The following MYH11 variants were observed in gnomAD, a reference collection of about 807,000 sequenced individuals.
MYH11 encodes myosin-11.
MYH11 carries 80 observed loss-of-function variants against 246.6 expected under a neutral mutation model. That is an observed-to-expected ratio of 0.32 (90% CI 0.27 to 0.39). MYH11 has a LOEUF of 0.39. Among genes scored for constraint, MYH11 ranks in the 10% least tolerant of loss-of-function variants. The pLI is 1.00. For missense variants in MYH11, 2,158 were observed against 2,546.8 expected (o/e 0.85, Z 3.29); for synonymous variants, 1,071 against 1,015.5 (o/e 1.05, Z -1.04).
intron 9 of MYH11, among the ~76,000 whole-genome samples, chr16:15,765,213 TG>T (rs1391888342): frequency 6.9e-6 from 1 of 145,410 alleles, no homozygotes; most frequent in Non-Finnish European, 1.5e-5. Flanking sequence ...GATGGATGGA[TG>T]GGTGGGTAGA....
chr16:15,740,124 G>A lies in MYH11; in HGVS notation c.2924C>T (p.Thr975Met), dbSNP rs763795192. The change falls in exon 23 of 41, where the codon ACG becomes ATG. Residue 975 changes from threonine (T) to methionine (M), a missense_variant. Thr to Met is a moderately conservative substitution (Grantham distance 81, BLOSUM62 -1). This residue lies in a region of MYH11 where 284 missense variants were observed against 315.4 expected (regional missense o/e 0.90). Transcript: ENST00000300036. ...ARQKLQLEKVTAEAKIKKLED... is the reference protein window; with the variant it reads ...ARQKLQLEKVMAEAKIKKLED... ...CAGTTTCTTGATCTTGGCCTCAGCC[G>A]TGACCTTCTCAAGTTGCAGCTTCTG... is the stretch of plus-strand genomic sequence containing the variant. 1.3e-5 allele frequency: 21 copies of A among 1,614,060 alleles called. No individual in the cohort carries two copies. The highest frequency in any genetic ancestry group is 1.6e-4 in the Middle Eastern group (1 of 6,084).
At chr16:15,800,968 G>A (rs2042871554) in intron 3 of MYH11, among the ~76,000 whole-genome samples, 1 of 152,094 alleles carries the variant, frequency 6.6e-6, no homozygotes, top group Admixed American at 6.5e-5. Context: ...CACTTTGGGA[G>A]GCCAAGGAGG....
At chr16:15,854,934 C>T (rs1185349764) in intron 1 of MYH11, among the ~76,000 whole-genome samples, 1 of 151,094 alleles carries the variant, frequency 6.6e-6, no homozygotes, top group Non-Finnish European at 1.5e-5. Flanking sequence ...TCCACTAGTT[C>T]TTCAATGGGT....
At chr16:15,819,028 C>T (rs1164580882) in intron 3 of MYH11, among the ~76,000 whole-genome samples, 6 of 152,078 alleles carry the variant, frequency 3.9e-5, no homozygotes, top group East Asian at 1.9e-4. Flanking sequence ...TACAGACTCA[C>T]GCACTGTGGC....
At chr16:15,705,029 G>C (rs796353672) in intron 40 of MYH11, among the ~76,000 whole-genome samples, 1 of 152,186 alleles carries the variant, frequency 6.6e-6, no homozygotes, top group African/African-American at 2.4e-5. Context: ...ACCCAGGCTG[G>C]AGTGCAGTGG....
chr16:15,762,702 G>A (rs933638334), intron 10 of MYH11, among the ~76,000 whole-genome samples: 2 of 152,074 alleles, frequency 1.3e-5, no homozygotes, highest in African/African-American at 2.4e-5. Flanking sequence ...TCTGATCCAC[G>A]AATGCTCAAG....
intron 4 of MYH11, among the ~76,000 whole-genome samples, chr16:15,796,748 G>T (rs2042750729): frequency 6.6e-6 from 1 of 152,260 alleles, no homozygotes; most frequent in Middle Eastern, 3.4e-3. Context: ...AGAGAGGTAG[G>T]GGGACCAGAG....
Position 15,721,623 on chromosome 16 carries a change from C to T in MYH11, c.4377G>A (p.Glu1459=), listed in dbSNP as rs2040489515. ...KQRKFDQLLA[E]EKNISSKYAD... The stretch of plus-strand genomic sequence containing the variant: ...CGTATTTGGAAGAGATGTTTTTCTC[C>T]TCGGCTAACAACTACAACACAAGAC... Residue 1459 remains glutamate (E), a synonymous_variant, in exon 32 of 41, where the codon GAG becomes GAA. Coordinates refer to ENST00000300036, the MANE Select transcript of MYH11 (RefSeq NM_002474.3). 13 of 1,614,026 alleles carry T rather than the reference C, an allele frequency of 8.1e-6. No homozygotes were observed. The highest frequency in any genetic ancestry group is 1.1e-5 in the Non-Finnish European group (13 of 1,180,040).
intron 1 of MYH11, among the ~76,000 whole-genome samples, chr16:15,838,900 A>G: frequency 6.6e-6 from 1 of 150,606 alleles, no homozygotes; most frequent in South Asian, 2.1e-4. Flanking sequence ...AAGTAAGTGT[A>G]CACGTGCTAA....
intron 40 of MYH11, chr16:15,708,701 A>T (rs772457367): frequency 2.0e-4 from 250 of 1,258,810 alleles, no homozygotes; most frequent in Non-Finnish European, 2.8e-4. Context: ...TCTCGTGGAA[A>T]TGTGCAAGGG....
intron 15 of MYH11, among the ~76,000 whole-genome samples, chr16:15,751,461 CCATCATCATCAT>C (rs377609666): frequency 6.7e-5 from 10 of 150,334 alleles, no homozygotes; most frequent in Admixed American, 4.0e-4. Context: ...CCGCGCCCGG[CCATCATCATCAT>C]CATCATCATC....
At chr16:15,772,446 A>C (rs1194090971) in intron 8 of MYH11, among the ~76,000 whole-genome samples, 1 of 152,104 alleles carries the variant, frequency 6.6e-6, no homozygotes, top group Non-Finnish European at 1.5e-5. Flanking sequence ...ATGAGTTTTA[A>C]AAATCAATTA....
At chr16:15,847,401 C>T (rs913208451) in intron 1 of MYH11, among the ~76,000 whole-genome samples, 1 of 152,068 alleles carries the variant, frequency 6.6e-6, no homozygotes, top group East Asian at 1.9e-4. Context: ...CAGGCACCTG[C>T]CACCATGCCC....
chr16:15,826,595 A>AAAAAGAAAAAG (rs537417639), intron 2 of MYH11, among the ~76,000 whole-genome samples: 2 of 63,114 alleles, frequency 3.2e-5, no homozygotes, highest in Non-Finnish European at 5.8e-5. Flanking sequence ...CTCAAAAAAG[A>AAAAAGAAAAAG]AAAAGAAAGA....
rs780993122 is a variant in MYH11, at chr16:15,784,670, C to A, written c.633+1960G>T. The A allele has an allele frequency of 4.3e-6, 7 of 1,613,602 alleles. No homozygotes were observed. In the East Asian group the frequency reaches 1.6e-4, roughly 36 times the overall value. ...AAGTTCACTCCGTGCCTCCCCTACACACCAGGAAAACACTCTCAGTTACTC... is the reference window on the plus strand; with the variant it reads ...AAGTTCACTCCGTGCCTCCCCTACAAACCAGGAAAACACTCTCAGTTACTC... On this transcript the variant is annotated intron_variant, in intron 5 of 40. Coordinates refer to ENST00000300036, the MANE Select transcript of MYH11 (RefSeq NM_002474.3).
chr16:15,718,357 G>A lies in MYH11; in HGVS notation c.5253C>T (p.Asn1751=), dbSNP rs1039451380. The A allele has an allele frequency of 2.5e-6, 4 of 1,608,696 alleles. No individual in the cohort carries two copies. In the Admixed American group the frequency reaches 6.7e-5, roughly 27 times the overall value. The part of the protein sequence containing the change: ...LEEELEEEQG[N]MEAMSDRVRK... ...GGACCCGGTCGCTCATGGCCTCCAT[G>A]TTGCCCTGCTCCTCCTCCAGCTCCT... is the stretch of plus-strand genomic sequence containing the variant. Residue 1751 remains asparagine (N), a synonymous_variant, in exon 37 of 41, where the codon AAC becomes AAT. Transcript: ENST00000300036.
chr16:15,752,700 G>A (rs2041603882), intron 15 of MYH11, among the ~76,000 whole-genome samples: 1 of 152,182 alleles, frequency 6.6e-6, no homozygotes, highest in African/African-American at 2.4e-5. Context: ...CCAACATGGG[G>A]GAACCCCGTC....
rs2040043762 is a variant in MYH11, at chr16:15,715,031, C to G, written c.5664G>C (p.Glu1888Asp). Residue 1888 changes from glutamate (E) to aspartate (D), a missense_variant, in exon 40 of 41, where the codon GAG (glutamate) becomes GAC (aspartate). Glu to Asp is a conservative substitution (Grantham distance 45). This residue lies in a region of MYH11 where 1,013 missense variants were observed against 993.5 expected (regional missense o/e 1.02). Coordinates refer to ENST00000300036, the MANE Select transcript of MYH11 (RefSeq NM_002474.3). ...TGATGCGCTGGGACTCCTCCTCTGC[C>G]TCCTCCAGCTGCCTCTTGAGCTGCT... The part of the protein sequence containing the change: ...RVKQLKRQLE[E>D]AEEESQRINA... The G allele has an allele frequency of 6.2e-7, 1 of 1,613,756 alleles. No homozygotes were observed. The highest frequency in any genetic ancestry group is 1.3e-5 in the African/African-American group (1 of 74,896).
At chr16:15,854,752 T>C (rs2044418760) in intron 1 of MYH11, among the ~76,000 whole-genome samples, 1 of 152,170 alleles carries the variant, frequency 6.6e-6, no homozygotes. Flanking sequence ...TATCTGCTCT[T>C]GGAATTACAC....
Sources: gnomAD v4.1 joint callset for allele counts (sites outside exome capture counted in the v4.1 genomes callset) on GRCh38, gnomAD v4.1.1 for gene constraint, gnomAD v4.1.1 regional missense constraint, MANE v1.5 for transcripts, NCBI Gene and HGNC (gene_info 2026-07-23, HGNC 2026-07-21) for gene names.